SLC5A4: variants seen among roughly 807,000 people sequenced by gnomAD.
The protein encoded by SLC5A4 is probable glucose sensor protein SLC5A4.
A neutral mutation model predicts 70.3 loss-of-function variants in SLC5A4; 55 were observed. That is an observed-to-expected ratio of 0.78 (90% confidence interval 0.63 to 0.98). The LOEUF (loss-of-function observed/expected upper bound fraction) is 0.98. SLC5A4 is among the 50% of genes least tolerant of loss of function. The pLI, the probability that SLC5A4 is intolerant of heterozygous loss-of-function variation, is 0.00. For missense variants in SLC5A4, 735 were observed against 839.2 expected (o/e 0.88, Z 1.53); for synonymous variants, 268 against 305.7 (o/e 0.88, Z 1.29).
chr22:32,269,824 TC>T, the SLC5A4 span: 1 of 664,636 alleles, frequency 1.5e-6, no homozygotes, highest in Non-Finnish European at 2.8e-6. The surrounding 1 kb of genome is among the most constrained non-coding windows in gnomAD (Gnocchi z 4.1). Flanking sequence ...GTCATCTCCC[TC>T]AAGGGCAGTC....
the SLC5A4 span, among the ~76,000 whole-genome samples, chr22:32,288,694 G>GCAC: frequency 6.6e-6 from 1 of 151,946 alleles, no homozygotes; most frequent in Non-Finnish European, 1.5e-5. Flanking sequence ...TTACAGGCAT[G>GCAC]CACCACCACG....
the SLC5A4 span, among the ~76,000 whole-genome samples, chr22:32,294,284 C>T: frequency 6.6e-6 from 1 of 152,152 alleles, no homozygotes; most frequent in African/African-American, 2.4e-5. Flanking sequence ...TTTCTTGTGA[C>T]ATATCTTCAG....
chr22:32,291,164 A>G, the SLC5A4 span, among the ~76,000 whole-genome samples: 1 of 117,304 alleles, frequency 8.5e-6, no homozygotes, highest in African/African-American at 3.2e-5. Flanking sequence ...TTGTGTATTT[A>G]TCTTCATTGT....
the SLC5A4 span, among the ~76,000 whole-genome samples, chr22:32,344,684 T>G: frequency 6.6e-6 from 1 of 152,198 alleles, no homozygotes; most frequent in Non-Finnish European, 1.5e-5. Context: ...GGAAATTTCA[T>G]GCAGACATGA....
At chr22:32,234,732 G>T in intron 8 of SLC5A4, 141 bp downstream of exon 8, 2 of 705,554 alleles carry the variant, frequency 2.8e-6, no homozygotes, top group African/African-American at 1.8e-5. Context: ...AAACAGAGAA[G>T]GGTTTGACTC....
At chr22:32,326,299 C>G in the SLC5A4 span, among the ~76,000 whole-genome samples, 6 of 147,462 alleles carry the variant, frequency 4.1e-5, no homozygotes, top group African/African-American at 1.3e-4. Flanking sequence ...GATGGAGTCT[C>G]TGTCGCCCAG....
the SLC5A4 span, among the ~76,000 whole-genome samples, chr22:32,280,911 C>A: frequency 2.0e-5 from 3 of 152,028 alleles, no homozygotes; most frequent in Admixed American, 2.0e-4. Flanking sequence ...ATTCAGGGTC[C>A]CCTTCTCTGC....
the SLC5A4 span, among the ~76,000 whole-genome samples, chr22:32,329,459 C>T: frequency 1.3e-4 from 19 of 151,166 alleles, no homozygotes; most frequent in Non-Finnish European, 1.8e-4. Flanking sequence ...AGCAAAATAT[C>T]TTGCTGGGCC....
chr22:32,271,991 G>A, the SLC5A4 span: 1 of 613,508 alleles, frequency 1.6e-6, no homozygotes. Context: ...GAGATGAGCA[G>A]TGCATCCACC....
chr22:32,253,121 C>T (rs924519175), intron 2 of SLC5A4, among the ~76,000 whole-genome samples: 3 of 152,184 alleles, frequency 2.0e-5, no homozygotes, highest in Non-Finnish European at 4.4e-5. Context: ...GCTTCAGTCA[C>T]CCCAGCCAGG....
the SLC5A4 span, chr22:32,354,790 C>CGCCAT: frequency 1.6e-5 from 2 of 127,968 alleles, no homozygotes; most frequent in Admixed American, 8.1e-5. Context: ...CACCCCACCA[C>CGCCAT]GCCACGCCAC....
At chr22:32,321,920 G>T in the SLC5A4 span, among the ~76,000 whole-genome samples, 1 of 152,166 alleles carries the variant, frequency 6.6e-6, no homozygotes, top group Non-Finnish European at 1.5e-5. Flanking sequence ...TAAAACGTTG[G>T]GTCAAAGGTG....
the SLC5A4 span, among the ~76,000 whole-genome samples, chr22:32,319,654 C>A: frequency 6.6e-6 from 1 of 152,206 alleles, no homozygotes; most frequent in African/African-American, 2.4e-5. Flanking sequence ...ACCATCTGTA[C>A]CAGCATGCTC....
intron 13 of SLC5A4, among the ~76,000 whole-genome samples, chr22:32,221,728 G>A (rs1925091528): frequency 6.6e-6 from 1 of 152,000 alleles, no homozygotes; most frequent in Admixed American, 6.6e-5. Flanking sequence ...ATTGCTCCAA[G>A]TATCAATGTT....
At chr22:32,244,594 A>G (rs1212159018) in intron 5 of SLC5A4, among the ~76,000 whole-genome samples, 3 of 152,230 alleles carry the variant, frequency 2.0e-5, no homozygotes, top group African/African-American at 4.8e-5. Flanking sequence ...GTGCAATGGC[A>G]TGATCTTAGC....
the SLC5A4 span, among the ~76,000 whole-genome samples, chr22:32,337,857 T>C: frequency 4.0e-5 from 6 of 150,988 alleles, no homozygotes; most frequent in East Asian, 4.0e-4. Flanking sequence ...GCACAGATGA[T>C]AGGTAAATGT....
chr22:32,243,818 C>A (rs1926667871), intron 5 of SLC5A4, among the ~76,000 whole-genome samples: 1 of 152,182 alleles, frequency 6.6e-6, no homozygotes, highest in African/African-American at 2.4e-5. Flanking sequence ...GAAACCCCAT[C>A]TCTACTAAAA....
chr22:32,271,419 A>G, the SLC5A4 span: 1 of 773,260 alleles, frequency 1.3e-6, no homozygotes, highest in Non-Finnish European at 2.3e-6. Flanking sequence ...AAAGCTGCTT[A>G]TCTACAAGGC....
chr22:32,266,260 C>T, the SLC5A4 span, among the ~76,000 whole-genome samples: 1 of 152,044 alleles, frequency 6.6e-6, no homozygotes, highest in Non-Finnish European at 1.5e-5. Flanking sequence ...TGCCAGGGGC[C>T]CGTGTCTTTT....
Sources: allele counts gnomAD v4.1 joint callset (sites outside exome capture counted in the v4.1 genomes callset), GRCh38; gene constraint gnomAD v4.1.1; non-coding constraint Gnocchi (gnomAD v3.1); transcripts MANE v1.5; gene names NCBI Gene and HGNC (gene_info 2026-07-23, HGNC 2026-07-21).